Variants in AOAH observed in about 807,000 individuals in gnomAD.
AOAH encodes the protein acyloxyacyl hydrolase, also known as acyloxyacyl hydrolase (neutrophil).
Under a neutral mutation model 92.2 loss-of-function variants are expected in AOAH, and 64 were observed. The observed-to-expected ratio is 0.69, with a 90% CI of 0.57 to 0.86. The LOEUF (loss-of-function observed/expected upper bound fraction) is 0.86. Ranked by LOEUF, AOAH falls within the 40% of genes least tolerant of loss-of-function variation. The pLI is 0.00. For synonymous variants in AOAH, 263 were observed against 254.5 expected (o/e 1.03, Z -0.32); for missense variants, 656 against 694.6 (o/e 0.94, Z 0.62).
chr7:36,634,231 G>GAAAC (rs1241858083), intron 5 of AOAH, among the ~76,000 whole-genome samples: 3 of 152,136 alleles, frequency 2.0e-5, no homozygotes, highest in Non-Finnish European at 2.9e-5. Flanking sequence ...TCCAAAGAAA[G>GAAAC]AAACAGTAAA....
intron 2 of AOAH, among the ~76,000 whole-genome samples, chr7:36,684,485 G>A (rs931590908): frequency 3.9e-5 from 6 of 152,062 alleles, no homozygotes; most frequent in Admixed American, 2.0e-4. Context: ...TGGGAAAAAT[G>A]TTTCTAAAAT....
At chr7:36,722,710 G>T (rs190014421) in intron 1 of AOAH, among the ~76,000 whole-genome samples, 1 of 150,816 alleles carries the variant, frequency 6.6e-6, no homozygotes, top group African/African-American at 2.5e-5. Flanking sequence ...CAAGGGGGGC[G>T]GATCACGAGG....
At chr7:36,537,506 G>GTTTTTTTTTTTTTTTTT (rs67918250) in intron 16 of AOAH, among the ~76,000 whole-genome samples, 50 of 134,798 alleles carry the variant, frequency 3.7e-4, no homozygotes, top group Non-Finnish European at 5.4e-4. Context: ...CACCCCTCTT[G>GTTTTTTTTTTTTTTTTT]TTTTTTTTTT....
rs765444093 is a variant in AOAH at position 36,548,609 on chromosome 7, C to T, written c.1133+3G>A. ...TTGAAAATACTTTTTCTCAATAACT[C>T]ACCCACTGCAGACATCATTTCCAAT... On this transcript the variant is annotated splice_donor_region_variant and intron_variant, in intron 15 of 20. Coordinates refer to ENST00000617537, the MANE Select transcript of AOAH (RefSeq NM_001637.4). 6.2e-7 allele frequency: 1 copy of T among 1,612,798 alleles called. No homozygotes were observed. The highest frequency in any genetic ancestry group is 8.5e-7 in the Non-Finnish European group (1 of 1,178,918).
At chr7:36,697,271 A>G (rs8180858) in intron 1 of AOAH, among the ~76,000 whole-genome samples, 23,966 of 152,192 alleles carry the variant, frequency 0.16, 2,198 homozygotes, top group South Asian at 0.24. Flanking sequence ...AATTTTTTCA[A>G]ATAATTTTCC....
intron 6 of AOAH, among the ~76,000 whole-genome samples, chr7:36,625,601 A>T (rs1298401338): frequency 1.3e-5 from 2 of 152,176 alleles, no homozygotes; most frequent in African/African-American, 2.4e-5. Flanking sequence ...ACCAGCAGGA[A>T]ATTAGAAACG....
intron 11 of AOAH, among the ~76,000 whole-genome samples, chr7:36,607,017 A>G (rs1453333200): frequency 6.6e-6 from 1 of 152,182 alleles, no homozygotes; most frequent in Non-Finnish European, 1.5e-5. Context: ...TGAACTACAA[A>G]TATCTTTCCA....
rs2116963089 is a variant in AOAH at position 36,711,051 on chromosome 7, C to T, written c.127+12971G>A. On this transcript the variant is annotated intron_variant, in intron 1 of 20. Transcript: ENST00000617537. Reference sequence around the variant, plus strand: ...GATTCAAATCTGAGAGCCCCACACTCTGCAGGTCTTAACCCCATGCCTTAC... The same window carrying T: ...GATTCAAATCTGAGAGCCCCACACTTTGCAGGTCTTAACCCCATGCCTTAC... 2.0e-5 allele frequency among the ~76,000 whole-genome samples: 3 copies of T among 152,278 alleles called. No individual in the cohort carries two copies. The Middle Eastern group carries it at 0.01, about 518-fold the overall frequency.
intron 16 of AOAH, among the ~76,000 whole-genome samples, chr7:36,535,095 TG>T (rs1562543520): frequency 1.9e-5 from 2 of 104,718 alleles, no homozygotes; most frequent in African/African-American, 6.7e-5. Flanking sequence ...TCTGTGTGTG[TG>T]TTTGTGTGTG....
chr7:36,517,941 ACACCCACACACAC>A (rs1783899047), intron 20 of AOAH, among the ~76,000 whole-genome samples: 1 of 38,700 alleles, frequency 2.6e-5, no homozygotes, highest in Admixed American at 3.1e-4. Flanking sequence ...CCACACACAC[ACACCCACACACAC>A]ACACACACAC....
Position 36,585,802 on chromosome 7 carries a change from C to A in AOAH, c.938+8537G>T, listed in dbSNP as rs1168615629. Among the ~76,000 whole-genome samples the A allele has an allele frequency of 2.0e-5, 3 of 152,194 alleles. No homozygotes were observed. The East Asian group carries it at 5.8e-4, about 29-fold the overall frequency. On this transcript the variant is annotated intron_variant, in intron 12 of 20. Coordinates refer to ENST00000617537, the MANE Select transcript of AOAH (RefSeq NM_001637.4). ...AGGGCCTGGATGGAATCACACTAAA[C>A]TGATCACAGGGCTTTCTTCTAAGAA...
chr7:36,588,278 C>A (rs924328790), intron 12 of AOAH, among the ~76,000 whole-genome samples: 1 of 152,170 alleles, frequency 6.6e-6, no homozygotes, highest in Non-Finnish European at 1.5e-5. Flanking sequence ...CCATCTGTAC[C>A]AATGGCTACA....
chr7:36,688,574 A>C (rs756761064), intron 1 of AOAH, among the ~76,000 whole-genome samples: 2 of 152,138 alleles, frequency 1.3e-5, no homozygotes, highest in Admixed American at 1.3e-4. Context: ...TTGAAGAGAG[A>C]GAGGCTTTGA....
intron 1 of AOAH, among the ~76,000 whole-genome samples, chr7:36,720,434 G>A (rs1166177214): frequency 6.6e-6 from 1 of 151,912 alleles, no homozygotes; most frequent in Non-Finnish European, 1.5e-5. Flanking sequence ...GCATCCCAAA[G>A]TGCTGGGATT....
Position 36,686,712 on chromosome 7 carries a change from G to A in AOAH, c.210C>T (p.Cys70=), listed in dbSNP as rs2116776303. The A allele has an allele frequency of 1.3e-6, 2 of 1,543,944 alleles. No homozygotes were observed. The highest frequency in any genetic ancestry group is 8.7e-7 in the Non-Finnish European group (1 of 1,143,820). The change falls in exon 2 of 21, where the codon TGC becomes TGT. Residue 70 remains cysteine, a synonymous_variant. Coordinates refer to ENST00000617537, the MANE Select transcript of AOAH (RefSeq NM_001637.4). ...STVQASMERL[C]SYLPEKLFLK... The stretch of plus-strand genomic sequence containing the variant: ...TCCCATATTTACCAGGCAGGTAGCT[G>A]CACAGTCTCTCCATCGAGGCCTGGA...
At chr7:36,715,963 G>A (rs1252138248) in intron 1 of AOAH, among the ~76,000 whole-genome samples, 4 of 151,962 alleles carry the variant, frequency 2.6e-5, no homozygotes, top group East Asian at 3.9e-4. Flanking sequence ...ACAAAAGCCA[G>A]AATTGACAAA....
chr7:36,664,031 C>A (rs937855814), intron 3 of AOAH, among the ~76,000 whole-genome samples: 2 of 108,046 alleles, frequency 1.9e-5, no homozygotes, highest in Admixed American at 9.5e-5. Flanking sequence ...CATTTAAGAT[C>A]GTTAATTTTA....
chr7:36,667,084 T>A (rs1795591266), intron 3 of AOAH, among the ~76,000 whole-genome samples: 1 of 152,252 alleles, frequency 6.6e-6, no homozygotes, highest in Admixed American at 6.5e-5. Context: ...GGTTGATTGA[T>A]AGTGTTGTTG....
At chr7:36,534,762 T>C (rs1032522586) in intron 16 of AOAH, among the ~76,000 whole-genome samples, 3 of 152,216 alleles carry the variant, frequency 2.0e-5, no homozygotes, top group Non-Finnish European at 2.9e-5. Flanking sequence ...ATAGGAAAGC[T>C]GATCAAGAAA....
Sources: gnomAD v4.1 joint callset for allele counts (sites outside exome capture counted in the v4.1 genomes callset) on GRCh38, gnomAD v4.1.1 for gene constraint, MANE v1.5 for transcripts, NCBI Gene and HGNC (gene_info 2026-07-23, HGNC 2026-07-21) for gene names.